WWOX: variants seen among roughly 807,000 people sequenced by gnomAD.
WWOX encodes WW domain containing oxidoreductase.
A neutral mutation model predicts 46.2 loss-of-function variants in WWOX; 69 were observed. The observed-to-expected ratio is 1.49, with a 90% CI of 1.23 to 1.82. The LOEUF (loss-of-function observed/expected upper bound fraction) is 1.82, where lower values mean the gene tolerates loss of function less well. Ranked by LOEUF, WWOX falls within the 40% of genes most tolerant of loss-of-function variation. The pLI is 0.00. For missense variants in WWOX, 919 were observed against 542.6 expected (o/e 1.69, Z -6.89); for synonymous variants, 359 against 202.6 (o/e 1.77, Z -6.56).
chr16:79,166,373 C>G (rs1356622950), intron 8 of WWOX, among the ~76,000 whole-genome samples: 5 of 152,132 alleles, frequency 3.3e-5, no homozygotes, highest in Non-Finnish European at 7.4e-5. Context: ...TTAAATCCTT[C>G]TTAGTTTGCA....
intron 8 of WWOX, among the ~76,000 whole-genome samples, chr16:78,634,453 A>C (rs969884394): frequency 2.6e-5 from 4 of 152,152 alleles, no homozygotes; most frequent in African/African-American, 9.7e-5. Context: ...CATGCCTGTA[A>C]TCCCAGCACT....
intron 8 of WWOX, among the ~76,000 whole-genome samples, chr16:78,710,854 C>T (rs1460152367): frequency 6.6e-6 from 1 of 151,886 alleles, no homozygotes; most frequent in Non-Finnish European, 1.5e-5. Flanking sequence ...TGAGCTCAAG[C>T]GATCCTACTC....
intron 6 of WWOX, among the ~76,000 whole-genome samples, chr16:78,398,840 C>G (rs1271169330): frequency 6.6e-6 from 1 of 152,214 alleles, no homozygotes; most frequent in East Asian, 1.9e-4. Flanking sequence ...AGCGTAGTAC[C>G]TGATACTTAA....
chr16:78,104,941 C>G (rs556425751), intron 1 of WWOX, among the ~76,000 whole-genome samples: 1 of 152,308 alleles, frequency 6.6e-6, no homozygotes, highest in African/African-American at 2.4e-5. Context: ...GGCAGAGTGG[C>G]TGGCAAATGG....
rs1255072508 is a variant in WWOX at position 78,590,880 on chromosome 16, A to G, written c.1056+158128A>G. On this transcript the variant is annotated intron_variant, in intron 8 of 8. Transcript: ENST00000566780. ...TAAGAGCTCAGACTCCAGCGTTTAG[A>G]CAACACCAGCTGCTACAAAGGACAC... Among the ~76,000 whole-genome samples, 3 of 152,116 alleles carry G rather than the reference A, an allele frequency of 2.0e-5. No homozygotes were observed. The East Asian group carries it at 5.8e-4, about 29-fold the overall frequency.
At chr16:78,698,667 C>T (rs1052890070) in intron 8 of WWOX, among the ~76,000 whole-genome samples, 7 of 152,082 alleles carry the variant, frequency 4.6e-5, no homozygotes, top group Admixed American at 3.3e-4. Context: ...TTTGTTATAT[C>T]CATATGATAA....
chr16:78,775,526 A>G (rs1249477566), intron 8 of WWOX, among the ~76,000 whole-genome samples: 1 of 152,112 alleles, frequency 6.6e-6, no homozygotes, highest in Admixed American at 6.6e-5. Flanking sequence ...GTGGGGTATC[A>G]AGGGAGAGTA....
rs1476858262 is a variant in WWOX at position 78,657,937 on chromosome 16, T to C, written c.1056+225185T>C. Among the ~76,000 whole-genome samples, 8 of 152,194 alleles carry C rather than the reference T, an allele frequency of 5.3e-5. No homozygotes were observed. The East Asian group carries it at 1.2e-3, about 22-fold the overall frequency. The stretch of plus-strand genomic sequence containing the variant: ...TAGTGTAATACTCAATAAATTACTT[T>C]TGTTCTCACCTTGGGAAGTGGACTC... On this transcript the variant is annotated intron_variant, in intron 8 of 8. Coordinates refer to ENST00000566780, the MANE Select transcript of WWOX (RefSeq NM_016373.4).
chr16:78,693,372 C>G (rs768807025), intron 8 of WWOX, among the ~76,000 whole-genome samples: 2 of 152,124 alleles, frequency 1.3e-5, no homozygotes, highest in Admixed American at 1.3e-4. Context: ...TCTCTGTTTC[C>G]TTTATTACTT....
At chr16:78,875,330 CT>C (rs768730862) in intron 8 of WWOX, among the ~76,000 whole-genome samples, 7 of 151,976 alleles carry the variant, frequency 4.6e-5, no homozygotes, top group Non-Finnish European at 7.4e-5. Flanking sequence ...AGCCATCTTG[CT>C]TTGTAAGCCT....
intron 5 of WWOX, among the ~76,000 whole-genome samples, chr16:78,185,790 C>T (rs1428193655): frequency 1.3e-5 from 2 of 152,102 alleles, no homozygotes; most frequent in Non-Finnish European, 2.9e-5. Context: ...TCTCAGCCTC[C>T]AGAGTAGCTG....
intron 8 of WWOX, among the ~76,000 whole-genome samples, chr16:79,145,038 A>C (rs7203436): frequency 0.43 from 65,412 of 151,790 alleles, 14,735 homozygotes; most frequent in African/African-American, 0.58. Flanking sequence ...ACTGTACATA[A>C]ATTTGCCTGT....
chr16:78,810,519 T>G (rs2051160755), intron 8 of WWOX, among the ~76,000 whole-genome samples: 1 of 152,258 alleles, frequency 6.6e-6, no homozygotes, highest in Non-Finnish European at 1.5e-5. Context: ...GATCCATATT[T>G]GCTGTTAACA....
chr16:78,702,147 G>T (rs1281111915), intron 8 of WWOX, among the ~76,000 whole-genome samples: 1 of 127,232 alleles, frequency 7.9e-6, no homozygotes, highest in Non-Finnish European at 1.5e-5. Flanking sequence ...AGACATGGTG[G>T]CATGCAACTG....
intron 8 of WWOX, among the ~76,000 whole-genome samples, chr16:79,113,145 G>T (rs1270339180): frequency 6.6e-6 from 1 of 152,208 alleles, no homozygotes; most frequent in Non-Finnish European, 1.5e-5. Flanking sequence ...GTTGTGATAA[G>T]GGTTTTGTGG....
At chr16:78,852,188 C>T (rs2052460434) in intron 8 of WWOX, among the ~76,000 whole-genome samples, 1 of 152,200 alleles carries the variant, frequency 6.6e-6, no homozygotes, top group Admixed American at 6.5e-5. Flanking sequence ...AGATGAGCTT[C>T]TGTGGTAGCC....
chr16:78,770,583 C>T (rs897053869), intron 8 of WWOX, among the ~76,000 whole-genome samples: 3 of 152,122 alleles, frequency 2.0e-5, no homozygotes, highest in Admixed American at 1.3e-4. Flanking sequence ...CAGGGAAGGA[C>T]GTCTGTGGGA....
In WWOX at chr16:78,275,545, G is replaced by A. The variant is rs77119876; in HGVS notation, c.516+111256G>A. Among the ~76,000 whole-genome samples the A allele has an allele frequency of 2.7e-4, 41 of 152,342 alleles. No individual in the cohort carries two copies. The East Asian group carries it at 7.9e-3, about 29-fold the overall frequency. The stretch of plus-strand genomic sequence containing the variant: ...CAAAGGATGAGTGATTTAGCCAGGT[G>A]GAGAGGTTGGGGCGGTATCCTGAAT... On this transcript the variant is annotated intron_variant, in intron 5 of 8. Transcript: ENST00000566780.
chr16:78,448,245 G>A (rs7189823), intron 8 of WWOX, among the ~76,000 whole-genome samples: 1 of 152,176 alleles, frequency 6.6e-6, no homozygotes, highest in South Asian at 2.1e-4. Context: ...GCACAGTAAT[G>A]CATAACGGGG....
Sources: allele counts gnomAD v4.1 joint callset (sites outside exome capture counted in the v4.1 genomes callset), GRCh38; gene constraint gnomAD v4.1.1; transcripts MANE v1.5; gene names NCBI Gene and HGNC (gene_info 2026-07-23, HGNC 2026-07-21).